The following EPN2 variants were observed in gnomAD, a reference collection of about 807,000 sequenced individuals.
EPN2 encodes the protein epsin-2.
A neutral mutation model predicts 61.7 loss-of-function variants in EPN2; 34 were observed. That is an observed-to-expected ratio of 0.55 (90% CI 0.42 to 0.73). The LOEUF (loss-of-function observed/expected upper bound fraction) is 0.73. EPN2 is among the 30% of genes least tolerant of loss of function. The probability of loss-of-function intolerance (pLI) is 0.00; values close to 1 mark genes in which losing one functional copy is unlikely to be tolerated. For synonymous variants in EPN2, 349 were observed against 353.6 expected (o/e 0.99, Z 0.15); for missense variants, 714 against 839.2 (o/e 0.85, Z 1.84).
intron 4 of EPN2, among the ~76,000 whole-genome samples, chr17:19,300,280 A>T (rs1320642472): frequency 6.6e-6 from 1 of 152,210 alleles, no homozygotes; most frequent in Non-Finnish European, 1.5e-5. Flanking sequence ...ATTAGCCCCC[A>T]GAGCCAGGGC....
intron 4 of EPN2, among the ~76,000 whole-genome samples, chr17:19,309,559 C>A (rs982338172): frequency 6.6e-6 from 1 of 152,150 alleles, no homozygotes; most frequent in East Asian, 1.9e-4. Flanking sequence ...TGAGTTAGTT[C>A]CTTTTTTGGA....
At chr17:19,277,250 A>C (rs1414998691) in intron 1 of EPN2, among the ~76,000 whole-genome samples, 4 of 151,900 alleles carry the variant, frequency 2.6e-5, no homozygotes, top group Non-Finnish European at 5.9e-5. Flanking sequence ...AAAACACAGA[A>C]CTTAGCTGGG....
At chr17:19,311,395 G>A (rs930137671) in intron 5 of EPN2, among the ~76,000 whole-genome samples, 4 of 152,086 alleles carry the variant, frequency 2.6e-5, no homozygotes, top group Admixed American at 2.6e-4. Flanking sequence ...ATCAGTAGTG[G>A]CATTGTCCCT....
chr17:19,264,063 GT>G (rs2045171403), intron 1 of EPN2, among the ~76,000 whole-genome samples: 1 of 152,214 alleles, frequency 6.6e-6, no homozygotes, highest in African/African-American at 2.4e-5. Flanking sequence ...CCAGTTGTCA[GT>G]GCTGGAAACG....
chr17:19,303,547 G>A (rs1010900848), intron 4 of EPN2, among the ~76,000 whole-genome samples: 3 of 152,184 alleles, frequency 2.0e-5, no homozygotes, highest in Non-Finnish European at 4.4e-5. Flanking sequence ...ATCACGGCTA[G>A]AGTCTGGATT....
chr17:19,325,841 T>G (rs549042637), intron 7 of EPN2, among the ~76,000 whole-genome samples: 100 of 151,634 alleles, frequency 6.6e-4, no homozygotes, highest in African/African-American at 2.3e-3. Flanking sequence ...TTTCTACAGA[T>G]AAGTTATTAG....
intron 1 of EPN2, among the ~76,000 whole-genome samples, chr17:19,265,099 A>G (rs565807104): frequency 7.2e-5 from 11 of 152,270 alleles, no homozygotes; most frequent in African/African-American, 2.6e-4. Flanking sequence ...CCAGTGACCA[A>G]GAAGGTCCGG....
chr17:19,239,979 G>A (rs76213947), intron 1 of EPN2, among the ~76,000 whole-genome samples: 1 of 151,218 alleles, frequency 6.6e-6, no homozygotes, highest in African/African-American at 2.4e-5. Flanking sequence ...AAAAGTTTTC[G>A]GACTTTTTTT....
At chr17:19,255,023 T>G (rs2045058849) in intron 1 of EPN2, among the ~76,000 whole-genome samples, 1 of 151,880 alleles carries the variant, frequency 6.6e-6, no homozygotes, top group Non-Finnish European at 1.5e-5. Context: ...CAGCTAGGAG[T>G]TAGAGGGCAG....
intron 4 of EPN2, among the ~76,000 whole-genome samples, chr17:19,291,476 C>G (rs1434523539): frequency 7.3e-6 from 1 of 136,776 alleles, no homozygotes; most frequent in African/African-American, 2.8e-5. Flanking sequence ...CTCGCTCTTT[C>G]GCCCAGGCTG....
chr17:19,288,430 T>C (rs2152219667), intron 4 of EPN2, among the ~76,000 whole-genome samples: 1 of 152,268 alleles, frequency 6.6e-6, no homozygotes, highest in South Asian at 2.1e-4. Flanking sequence ...ACAAAAACAG[T>C]CTTGCTTGAG....
At chr17:19,272,951 A>C (rs963538650) in intron 1 of EPN2, among the ~76,000 whole-genome samples, 3 of 152,140 alleles carry the variant, frequency 2.0e-5, no homozygotes, top group Non-Finnish European at 4.4e-5. Context: ...TCACCTGCCC[A>C]TGTATTCTAC....
At chr17:19,321,811 C>T (rs1906650049) in intron 7 of EPN2, among the ~76,000 whole-genome samples, 1 of 152,126 alleles carries the variant, frequency 6.6e-6, no homozygotes, top group Non-Finnish European at 1.5e-5. Context: ...GGCACTTGGC[C>T]CCAGGTCTCC....
At chr17:19,317,933 G>A (rs947189482) in intron 7 of EPN2, among the ~76,000 whole-genome samples, 1 of 152,178 alleles carries the variant, frequency 6.6e-6, no homozygotes, top group Admixed American at 6.5e-5. Context: ...AAAGCAAGGT[G>A]CCACAGTGTG....
intron 1 of EPN2, among the ~76,000 whole-genome samples, chr17:19,255,168 G>A (rs531558310): frequency 6.6e-6 from 1 of 152,172 alleles, no homozygotes; most frequent in East Asian, 1.9e-4. Flanking sequence ...GCGTTGGGGT[G>A]CATACTCCGC....
chr17:19,238,658 A>G (rs1410460295), intron 1 of EPN2, among the ~76,000 whole-genome samples: 1 of 152,242 alleles, frequency 6.6e-6, no homozygotes, highest in African/African-American at 2.4e-5. Context: ...GTGCAGAACT[A>G]GAAGCTAGGT....
chr17:19,243,384 A>AATTT, intron 1 of EPN2, among the ~76,000 whole-genome samples: 1 of 77,266 alleles, frequency 1.3e-5, no homozygotes, highest in South Asian at 7.3e-4. Flanking sequence ...TGCCTGGCTA[A>AATTT]TTTTTTTTTT....
At chr17:19,237,750 C>G (rs1336687060) in intron 1 of EPN2, among the ~76,000 whole-genome samples, 3 of 152,302 alleles carry the variant, frequency 2.0e-5, no homozygotes, top group African/African-American at 7.2e-5. Context: ...GCATGGCCCC[C>G]TTCCCATCTG....
Position 19,290,720 on chromosome 17 carries a change from A to AAAAAAAAAAAAAAAAAG in EPN2, c.766+4935_766+4936insAAAAAAAAAAAGAAAAA, listed in dbSNP as rs1555600084. ...GTTCTCAAAAAAAAAAAAAAAGAAA[A>AAAAAAAAAAAAAAAAAG]AAAAAGAAAAAGGAAGGCAGGCAGA... On this transcript the variant is annotated intron_variant, in intron 4 of 10. Coordinates refer to ENST00000314728, the MANE Select transcript of EPN2 (RefSeq NM_014964.5). Among the ~76,000 whole-genome samples the AAAAAAAAAAAAAAAAAG allele has an allele frequency of 5.1e-3, 541 of 105,308 alleles. 15 individuals are homozygous for AAAAAAAAAAAAAAAAAG. Among genetic ancestry groups the AAAAAAAAAAAAAAAAAG allele is most frequent in the Non-Finnish European group, 7.1e-3 (367 of 51,344 alleles). 69.1% of individuals were successfully genotyped at this position (105,308 alleles called of 152,430 possible). A position where few individuals can be genotyped will look rare whatever the true frequency, so the allele number is the denominator to read the frequency against.
Sources: allele counts gnomAD v4.1 joint callset (sites outside exome capture counted in the v4.1 genomes callset), GRCh38; gene constraint gnomAD v4.1.1; transcripts MANE v1.5; gene names NCBI Gene and HGNC (gene_info 2026-07-23, HGNC 2026-07-21).